The following LRGUK variants were observed in gnomAD, a reference collection of about 807,000 sequenced individuals.
LRGUK encodes leucine rich repeats and guanylate kinase domain containing.
In LRGUK, 65 loss-of-function variants were observed where a neutral mutation model predicts 76.0. The observed-to-expected ratio is 0.85, with a 90% CI of 0.70 to 1.05. The LOEUF is 1.05. Ranked by LOEUF, LRGUK falls within the 50% of genes least tolerant of loss-of-function variation. LRGUK has a pLI of 0.00. For missense variants in LRGUK, 758 were observed against 732.8 expected (o/e 1.03, Z -0.40); for synonymous variants, 268 against 265.6 (o/e 1.01, Z -0.09).
intron 16 of LRGUK, among the ~76,000 whole-genome samples, chr7:134,242,944 G>T (rs1585594577): frequency 6.6e-6 from 1 of 152,074 alleles, no homozygotes; most frequent in Non-Finnish European, 1.5e-5. Flanking sequence ...CAGAACCAAA[G>T]ACAAAAACCA....
chr7:134,160,618 T>C (rs2116922142), intron 6 of LRGUK, among the ~76,000 whole-genome samples: 1 of 152,356 alleles, frequency 6.6e-6, no homozygotes, highest in African/African-American at 2.4e-5. Flanking sequence ...GAATGTCAAC[T>C]TTTATGATAA....
chr7:134,210,068 C>G, exon 16 of LRGUK: 1 of 399,474 alleles, frequency 2.5e-6, no homozygotes, highest in East Asian at 3.6e-5. Flanking sequence ...GCCACTTCAG[C>G]AGACAGGGGC....
chr7:134,139,978 A>AT (rs956687763), intron 3 of LRGUK, among the ~76,000 whole-genome samples: 84 of 151,864 alleles, frequency 5.5e-4, no homozygotes, highest in African/African-American at 1.5e-3. Flanking sequence ...TTAAAAAAAC[A>AT]TTTTTTTTGA....
At position 134,177,070 on chromosome 7, in the gene LRGUK, A is replaced by C. The variant is rs749298003; in HGVS notation, c.1107+7A>C. The C allele has an allele frequency of 6.4e-7, 1 of 1,557,642 alleles. No homozygotes were observed. Among genetic ancestry groups the C allele is most frequent in the South Asian group, 1.1e-5 (1 of 88,228 alleles). The stretch of plus-strand genomic sequence containing the variant: ...GATTAAAGTGGAAGAAAAGGTATGT[A>C]ATCATGTCATAACATTACCATTGTG... On this transcript the variant is annotated splice_region_variant and intron_variant, in intron 9 of 15. Transcript: ENST00000645682.
intron 16 of LRGUK, among the ~76,000 whole-genome samples, chr7:134,242,495 T>A (rs1030084041): frequency 1.5e-4 from 23 of 152,142 alleles, no homozygotes; most frequent in Non-Finnish European, 4.4e-5. Flanking sequence ...CTCCCAAGAC[T>A]AAACCAGGAA....
chr7:134,270,263 T>A, the LRGUK span, among the ~76,000 whole-genome samples: 1 of 152,150 alleles, frequency 6.6e-6, no homozygotes, highest in Non-Finnish European at 1.5e-5. Context: ...AAAAAATCAA[T>A]TGTATTTCTG....
chr7:134,266,554 A>G (rs979854586), downstream of LRGUK, among the ~76,000 whole-genome samples: 10 of 152,150 alleles, frequency 6.6e-5, no homozygotes, highest in Non-Finnish European at 1.3e-4. Context: ...AGGACAGAGG[A>G]AAAAAACTTA....
At chr7:134,171,394 T>C (rs1799241372) in intron 7 of LRGUK, among the ~76,000 whole-genome samples, 2 of 151,720 alleles carry the variant, frequency 1.3e-5, no homozygotes, top group Non-Finnish European at 2.9e-5. Flanking sequence ...ACGACAAATA[T>C]ATATATGTGT....
At chr7:134,179,085 GA>G (rs1799628538) in intron 10 of LRGUK, among the ~76,000 whole-genome samples, 1 of 151,976 alleles carries the variant, frequency 6.6e-6, no homozygotes, top group Non-Finnish European at 1.5e-5. Context: ...ACTGTTCCAT[GA>G]ATTCACATTA....
chr7:134,212,811 G>A (rs887032251), downstream of LRGUK, among the ~76,000 whole-genome samples: 2 of 152,218 alleles, frequency 1.3e-5, no homozygotes, highest in Non-Finnish European at 2.9e-5. Context: ...GGAAGACAGA[G>A]AGTTCATTAT....
chr7:134,156,639 A>G (rs182886635), intron 5 of LRGUK, among the ~76,000 whole-genome samples: 5 of 152,322 alleles, frequency 3.3e-5, no homozygotes, highest in Admixed American at 2.0e-4. Flanking sequence ...AACTGGATAA[A>G]TAAGTTTTGT....
intron 16 of LRGUK, among the ~76,000 whole-genome samples, chr7:134,228,104 G>T (rs1274318522): frequency 6.6e-6 from 1 of 152,062 alleles, no homozygotes; most frequent in African/African-American, 2.4e-5. Context: ...TACCTAAAGA[G>T]CAGTCATAGG....
At chr7:134,181,014 A>G (rs952709654) in intron 10 of LRGUK, among the ~76,000 whole-genome samples, 2 of 152,166 alleles carry the variant, frequency 1.3e-5, no homozygotes, top group Admixed American at 6.5e-5. Context: ...GTGTTGTACT[A>G]TATTTATATT....
intron 15 of LRGUK, among the ~76,000 whole-genome samples, chr7:134,207,246 AC>A (rs1225983547): frequency 2.0e-5 from 3 of 152,170 alleles, no homozygotes; most frequent in African/African-American, 7.2e-5. Flanking sequence ...ATGTTGTATA[AC>A]CATCATCACT....
chr7:134,187,517 A>G (rs927637779), intron 11 of LRGUK, among the ~76,000 whole-genome samples: 1 of 152,238 alleles, frequency 6.6e-6, no homozygotes, highest in African/African-American at 2.4e-5. Context: ...AAATATTGAA[A>G]ACATAACTCA....
At chr7:134,271,213 TGTTAATTAAGCATATTACAAA>T in the LRGUK span, among the ~76,000 whole-genome samples, 2 of 151,998 alleles carry the variant, frequency 1.3e-5, no homozygotes. Context: ...AATAATTTTT[TGTTAATTAAGCATATTACAAA>T]GATCTTTTTC....
intron 6 of LRGUK, among the ~76,000 whole-genome samples, chr7:134,159,336 CAA>C (rs35701399): frequency 4.9e-4 from 40 of 81,430 alleles, no homozygotes; most frequent in Admixed American, 5.0e-4. Flanking sequence ...GACCCTGCCT[CAA>C]AAAAAAAAAA....
chr7:134,137,168 T>A, intron 2 of LRGUK, 38 bp downstream of exon 2: 1 of 1,415,204 alleles, frequency 7.1e-7, no homozygotes, highest in Non-Finnish European at 9.9e-7. Flanking sequence ...GGCTACAGCT[T>A]GACACTGGCT....
intron 16 of LRGUK, among the ~76,000 whole-genome samples, chr7:134,222,829 CTCAGGTGA>C (rs1801636055): frequency 6.6e-6 from 1 of 152,004 alleles, no homozygotes; most frequent in South Asian, 2.1e-4. Flanking sequence ...CTCTCCCAAC[CTCAGGTGA>C]TCTGCTTGCC....
Sources: gnomAD v4.1 joint callset for allele counts (sites outside exome capture counted in the v4.1 genomes callset) on GRCh38, gnomAD v4.1.1 for gene constraint, MANE v1.5 for transcripts, NCBI Gene and HGNC (gene_info 2026-07-23, HGNC 2026-07-21) for gene names.